The following FUT8 variants were observed in gnomAD, a reference collection of about 807,000 sequenced individuals.
FUT8 encodes the protein fucosyltransferase 8.
Under a neutral mutation model 71.3 loss-of-function variants are expected in FUT8, and 29 were observed. The observed-to-expected ratio is 0.41, with a 90% CI of 0.30 to 0.55. FUT8 has a LOEUF of 0.55. Ranked by LOEUF, FUT8 falls within the 20% of genes least tolerant of loss-of-function variation. The pLI is 0.34. For synonymous variants in FUT8, 254 were observed against 239.3 expected (o/e 1.06, Z -0.57); for missense variants, 544 against 702.1 (o/e 0.77, Z 2.55).
At chr14:65,450,565 G>A (rs547722922) in intron 1 of FUT8, among the ~76,000 whole-genome samples, 2 of 152,178 alleles carry the variant, frequency 1.3e-5, no homozygotes, top group African/African-American at 4.8e-5. Flanking sequence ...ATTTGATGTG[G>A]ATATGATATT....
chr14:65,381,180 A>G, the FUT8 span, among the ~76,000 whole-genome samples: 1 of 152,330 alleles, frequency 6.6e-6, no homozygotes, highest in East Asian at 1.9e-4. Flanking sequence ...TTGAAGCCCC[A>G]TCTCCCTTTG....
At chr14:65,666,653 C>G (rs1892232235) in intron 6 of FUT8, among the ~76,000 whole-genome samples, 1 of 152,092 alleles carries the variant, frequency 6.6e-6, no homozygotes, top group Non-Finnish European at 1.5e-5. Context: ...GGAGGAGAGA[C>G]TCCTCCCTAA....
chr14:65,700,960 T>C (rs1165304327), intron 7 of FUT8, among the ~76,000 whole-genome samples: 2 of 152,244 alleles, frequency 1.3e-5, no homozygotes, highest in Non-Finnish European at 2.9e-5. Flanking sequence ...ACATCATGTA[T>C]GTGTGTCCAA....
At chr14:65,481,173 T>C (rs1319185121) in intron 2 of FUT8, among the ~76,000 whole-genome samples, 1 of 152,162 alleles carries the variant, frequency 6.6e-6, no homozygotes, top group Non-Finnish European at 1.5e-5. Flanking sequence ...TGGTATCTCA[T>C]TGTGGTTTTG....
At chr14:65,470,776 C>T (rs1414867763) in intron 2 of FUT8, among the ~76,000 whole-genome samples, 1 of 151,998 alleles carries the variant, frequency 6.6e-6, no homozygotes, top group Admixed American at 6.5e-5. Flanking sequence ...CTGGCTGGTC[C>T]CTGAAGTGGG....
chr14:65,631,776 G>T (rs1890193339), intron 6 of FUT8, among the ~76,000 whole-genome samples: 1 of 151,968 alleles, frequency 6.6e-6, no homozygotes, highest in African/African-American at 2.4e-5. Context: ...GTGGTGCTTG[G>T]TGAGATTTCT....
At chr14:65,461,085 C>A (rs2139583137) in intron 2 of FUT8, among the ~76,000 whole-genome samples, 1 of 152,254 alleles carries the variant, frequency 6.6e-6, no homozygotes, top group East Asian at 1.9e-4. Flanking sequence ...TTTATTCTTT[C>A]AGTTTTGGAG....
the FUT8 span, among the ~76,000 whole-genome samples, chr14:65,357,664 T>C: frequency 6.6e-6 from 1 of 152,246 alleles, no homozygotes. Flanking sequence ...AAACCTCGGC[T>C]CTGTCACTCA....
rs1885922069 is a variant in FUT8, at chr14:65,561,702, C to G, written c.139C>G (p.Leu47Val). ...CTCTAGCCGAGAACTGTCCAAGATT[C>G]TGGCAAAGCTTGAACGCTTAAAACA... ...DHSSRELSKI[L>V]AKLERLKQQN... The change falls in exon 3 of 11, where the codon CTG becomes GTG. Residue 47 changes from leucine to valine, a missense_variant. By Grantham distance (32) the Leu-to-Val change is conservative. Transcript: ENST00000673929. The G allele has an allele frequency of 6.2e-7, 1 of 1,613,570 alleles. No individual in the cohort carries two copies. Among genetic ancestry groups the G allele is most frequent in the Non-Finnish European group, 8.5e-7 (1 of 1,179,646 alleles).
At chr14:65,671,557 A>G (rs1489122992) in intron 7 of FUT8, among the ~76,000 whole-genome samples, 1 of 152,216 alleles carries the variant, frequency 6.6e-6, no homozygotes, top group Non-Finnish European at 1.5e-5. Context: ...AGTCCTTATC[A>G]GTAAACTCAT....
rs78538165 is a variant in FUT8 at position 65,417,668 on chromosome 14, A to G, written c.-326+4454A>G. On this transcript the variant is annotated intron_variant, in intron 1 of 10. Transcript: ENST00000673929. ...TCTTTTTTTTGGTCAGAAAATGACAATGTGAAGGAGAAATACGTTTTGAAT... is the reference window on the plus strand; with the variant it reads ...TCTTTTTTTTGGTCAGAAAATGACAGTGTGAAGGAGAAATACGTTTTGAAT... Among the ~76,000 whole-genome samples the G allele has an allele frequency of 6.9e-3, 1,057 of 152,282 alleles. 13 individuals are homozygous for G. Among genetic ancestry groups the G allele is most frequent in the African/African-American group, 0.024 (987 of 41,560 alleles).
intron 3 of FUT8, among the ~76,000 whole-genome samples, chr14:65,608,251 ATC>A (rs763988150): frequency 4.0e-5 from 6 of 151,758 alleles, no homozygotes; most frequent in Non-Finnish European, 7.4e-5. Context: ...AAAATTCCTT[ATC>A]TGTTTGTGAT....
At chr14:65,542,611 A>T (rs142788942) in intron 2 of FUT8, among the ~76,000 whole-genome samples, 200 of 152,278 alleles carry the variant, frequency 1.3e-3, no homozygotes, top group African/African-American at 4.3e-3. Context: ...AAGGGCTTTC[A>T]TGTCTCTTGT....
chr14:65,636,345 A>G (rs1296145899), intron 6 of FUT8, among the ~76,000 whole-genome samples: 1 of 145,650 alleles, frequency 6.9e-6, no homozygotes, highest in East Asian at 2.0e-4. Context: ...CATTTCATTT[A>G]GTTTTGCTCT....
rs188627664 is a variant in FUT8 at position 65,610,338 on chromosome 14, A to G, written c.204-5640A>G. Among the ~76,000 whole-genome samples, 5 of 150,618 alleles carry G rather than the reference A, an allele frequency of 3.3e-5. No individual in the cohort carries two copies. The East Asian group carries it at 9.7e-4, about 29-fold the overall frequency. On this transcript the variant is annotated intron_variant, in intron 3 of 10. Coordinates refer to ENST00000673929, the MANE Select transcript of FUT8 (RefSeq NM_001371533.1). ...ATGGTGTTAGCAGTAAGTTTTTAAT[A>G]GATAATTGTTATCAGGTTGAGGAAA... is the stretch of plus-strand genomic sequence containing the variant.
chr14:65,504,626 T>A (rs2066697037), intron 2 of FUT8, among the ~76,000 whole-genome samples: 1 of 152,242 alleles, frequency 6.6e-6, no homozygotes, highest in African/African-American at 2.4e-5. Context: ...TCTCTTTCCA[T>A]AGTGTCTCCT....
chr14:65,392,979 T>C, the FUT8 span, among the ~76,000 whole-genome samples: 2 of 152,218 alleles, frequency 1.3e-5, no homozygotes, highest in Admixed American at 6.5e-5. Context: ...TCAAATTTAA[T>C]GAGCATCTGT....
At chr14:65,626,830 T>G (rs1020092895) in intron 5 of FUT8, among the ~76,000 whole-genome samples, 1 of 152,226 alleles carries the variant, frequency 6.6e-6, no homozygotes, top group African/African-American at 2.4e-5. Context: ...ATAAATACAT[T>G]TCTGACTTTA....
chr14:65,581,188 T>G (rs116539953), intron 3 of FUT8, among the ~76,000 whole-genome samples: 2,693 of 152,182 alleles, frequency 0.018, 80 homozygotes, highest in African/African-American at 0.061. Flanking sequence ...TAAACTCTGG[T>G]GATGAGGCTC....
Sources: allele counts gnomAD v4.1 joint callset (sites outside exome capture counted in the v4.1 genomes callset), GRCh38; gene constraint gnomAD v4.1.1; transcripts MANE v1.5; gene names NCBI Gene and HGNC (gene_info 2026-07-23, HGNC 2026-07-21).